DYNC1I1: variants seen among roughly 807,000 people sequenced by gnomAD.
DYNC1I1 encodes cytoplasmic dynein 1 intermediate chain 1.
In DYNC1I1, 43 loss-of-function variants were observed where a neutral mutation model predicts 86.6. That is an observed-to-expected ratio of 0.50 (90% CI 0.39 to 0.64). The LOEUF is 0.64. Among genes scored for constraint, DYNC1I1 ranks in the 30% least tolerant of loss-of-function variants. DYNC1I1 has a pLI of 0.00. For missense variants in DYNC1I1, 604 were observed against 788.8 expected, an observed-to-expected ratio of 0.77 and a Z score of 2.81; for synonymous variants, 262 against 283.7, an observed-to-expected ratio of 0.92 and a Z score of 0.77.
chr7:96,084,808 G>T (rs3819448), intron 16 of DYNC1I1, among the ~76,000 whole-genome samples: 5,197 of 152,152 alleles, frequency 0.034, 254 homozygotes, highest in East Asian at 0.23. Flanking sequence ...TACATATAGA[G>T]CTAAAGCCGT....
At chr7:95,831,313 G>T (rs528759342) in intron 5 of DYNC1I1, among the ~76,000 whole-genome samples, 23 of 152,068 alleles carry the variant, frequency 1.5e-4, no homozygotes, top group African/African-American at 5.3e-4. Flanking sequence ...TTAATATTTG[G>T]TAGAACACAA....
chr7:96,010,229 G>A (rs1651986542), intron 10 of DYNC1I1, among the ~76,000 whole-genome samples: 1 of 152,172 alleles, frequency 6.6e-6, no homozygotes, highest in South Asian at 2.1e-4. Flanking sequence ...CTAGTGCGTG[G>A]TTGACCCGGA....
intron 10 of DYNC1I1, among the ~76,000 whole-genome samples, chr7:96,008,791 G>C (rs745549611): frequency 3.3e-5 from 5 of 152,162 alleles, no homozygotes; most frequent in Non-Finnish European, 7.3e-5. Flanking sequence ...AAAACCTAAA[G>C]AGAAGGCTGG....
intron 1 of DYNC1I1, among the ~76,000 whole-genome samples, chr7:95,796,974 A>C (rs952402919): frequency 6.6e-6 from 1 of 152,306 alleles, no homozygotes; most frequent in Admixed American, 6.5e-5. Context: ...GTAGCACCAA[A>C]CTGTACTAGT....
At chr7:95,819,794 A>C (rs1005024573) in intron 4 of DYNC1I1, among the ~76,000 whole-genome samples, 1 of 152,196 alleles carries the variant, frequency 6.6e-6, no homozygotes, top group Non-Finnish European at 1.5e-5. Flanking sequence ...TAAGATTTAC[A>C]CTATAGGGTT....
chr7:96,075,325 G>T (rs1037142840), intron 14 of DYNC1I1, among the ~76,000 whole-genome samples: 5 of 83,996 alleles, frequency 6.0e-5, no homozygotes, highest in African/African-American at 1.2e-4. Context: ...AGTCAATTTT[G>T]GGGGTTTTGA....
intron 6 of DYNC1I1, among the ~76,000 whole-genome samples, chr7:95,960,115 T>C (rs977693718): frequency 6.6e-6 from 1 of 152,160 alleles, no homozygotes; most frequent in Non-Finnish European, 1.5e-5. Flanking sequence ...GTTTTTGTTT[T>C]GTTTTTTTGA....
intron 5 of DYNC1I1, 33 bp from the exon 6 acceptor site, chr7:95,869,850 C>A: frequency 1.3e-6 from 2 of 1,582,322 alleles, no homozygotes; most frequent in Non-Finnish European, 1.7e-6. Context: ...GAATGCCTCC[C>A]CTCTCTAAGC....
At chr7:96,043,012 T>C (rs1185053788) in intron 14 of DYNC1I1, among the ~76,000 whole-genome samples, 1 of 151,626 alleles carries the variant, frequency 6.6e-6, no homozygotes, top group African/African-American at 2.4e-5. Context: ...ATACAAAAAT[T>C]AGCTGGGCGT....
chr7:95,989,985 T>G (rs1288043700), intron 9 of DYNC1I1, among the ~76,000 whole-genome samples: 3 of 152,092 alleles, frequency 2.0e-5, no homozygotes, highest in African/African-American at 7.2e-5. Flanking sequence ...TGGTGTGCAG[T>G]GGTGGCGTGT....
intron 2 of DYNC1I1, among the ~76,000 whole-genome samples, chr7:95,805,211 T>G (rs1794675101): frequency 6.6e-6 from 1 of 152,190 alleles, no homozygotes; most frequent in South Asian, 2.1e-4. Context: ...GGGTTGCACT[T>G]AGCAGTATCT....
chr7:96,081,554 T>C (rs1033768741), intron 16 of DYNC1I1, among the ~76,000 whole-genome samples: 6 of 152,160 alleles, frequency 3.9e-5, no homozygotes, highest in African/African-American at 1.4e-4. Context: ...AATAAGAGCG[T>C]TATGTAATGC....
Position 96,107,685 on chromosome 7 carries a change from C to T in DYNC1I1, c.1543-2294C>T, listed in dbSNP as rs992633791. Among the ~76,000 whole-genome samples the T allele has an allele frequency of 8.6e-5, 13 of 151,894 alleles. 1 individual carries two copies. On this transcript the variant is annotated intron_variant, in intron 16 of 16. Transcript: ENST00000537881. ...TAGCTAGGATTACAGGTGCGTGCCA[C>T]CACACTCGGCTAATTTTTGTATTTT...
chr7:96,079,811 A>T lies in DYNC1I1; in HGVS notation c.1651-552A>T, dbSNP rs533499264. Among the ~76,000 whole-genome samples the T allele has an allele frequency of 4.5e-4, 68 of 151,998 alleles. 1 individual carries two copies. The highest frequency in any genetic ancestry group is 1.0e-3 in the African/African-American group (42 of 41,452). ...AGAGAGAATTTGAGTTTTTTGAAAA[A>T]TTTTTTTTATCTTTATGTTTTCCTT... is the stretch of plus-strand genomic sequence containing the variant. On this transcript the variant is annotated intron_variant, in intron 15 of 16. Coordinates refer to ENST00000447467, the MANE Select transcript of DYNC1I1 (RefSeq NM_001135556.2).
intron 5 of DYNC1I1, among the ~76,000 whole-genome samples, chr7:95,862,993 C>A (rs1789927898): frequency 6.6e-6 from 1 of 151,810 alleles, no homozygotes; most frequent in Non-Finnish European, 1.5e-5. Context: ...TATTGTTTAT[C>A]TTTGAATATT....
intron 16 of DYNC1I1, among the ~76,000 whole-genome samples, chr7:96,084,164 G>A (rs975159484): frequency 3.3e-5 from 5 of 152,062 alleles, no homozygotes; most frequent in Admixed American, 2.0e-4. Flanking sequence ...ATAGGGCACC[G>A]TGCTTAGGGG....
intron 5 of DYNC1I1, among the ~76,000 whole-genome samples, chr7:95,861,462 T>G (rs1333007605): frequency 6.6e-6 from 1 of 152,190 alleles, no homozygotes; most frequent in African/African-American, 2.4e-5. Flanking sequence ...GGTATAATAT[T>G]CTCTGATATG....
intron 5 of DYNC1I1, among the ~76,000 whole-genome samples, chr7:95,840,805 C>T (rs1392146556): frequency 2.6e-5 from 4 of 152,110 alleles, no homozygotes; most frequent in African/African-American, 7.2e-5. Context: ...GTATGCTAAA[C>T]CCTAAGAGAG....
intron 14 of DYNC1I1, among the ~76,000 whole-genome samples, chr7:96,053,845 C>T (rs1195256258): frequency 6.6e-6 from 1 of 151,568 alleles, no homozygotes; most frequent in African/African-American, 2.4e-5. Context: ...TAGAATTTGC[C>T]CATTAAAAAT....
Sources: allele counts gnomAD v4.1 joint callset (sites outside exome capture counted in the v4.1 genomes callset), GRCh38; gene constraint gnomAD v4.1.1; transcripts MANE v1.5; gene names NCBI Gene and HGNC (gene_info 2026-07-23, HGNC 2026-07-21).